Variants in RIT2 observed in about 807,000 individuals in gnomAD.
RIT2 encodes the protein GTP-binding protein Rit2.
Under a neutral mutation model 23.7 loss-of-function variants are expected in RIT2, and 24 were observed. The ratio of observed to expected loss-of-function variants is 1.01; its 90% confidence interval spans 0.73 to 1.43. The LOEUF is 1.43. Among genes scored for constraint, RIT2 ranks in the 40% most tolerant of loss-of-function variants. The pLI is 0.00. For synonymous variants in RIT2, 107 were observed against 91.1 expected (o/e 1.17, Z -0.99); for missense variants, 236 against 266.9 (o/e 0.88, Z 0.81).
In RIT2 at chr18:42,910,522, T is replaced by C. The variant is rs532513156; in HGVS notation, c.426+13050A>G. Among the ~76,000 whole-genome samples, 19 of 152,206 alleles carry C rather than the reference T, an allele frequency of 1.2e-4. No individual in the cohort carries two copies. The South Asian group carries it at 3.7e-3, about 30-fold the overall frequency. On this transcript the variant is annotated intron_variant, in intron 4 of 4. Coordinates refer to ENST00000326695, the MANE Select transcript of RIT2 (RefSeq NM_002930.4). ...TGCATTTTGGCCCACAACACCCCGCTAATGTGTACGTATATAAACCCCAGA... is the reference window on the plus strand; with the variant it reads ...TGCATTTTGGCCCACAACACCCCGCCAATGTGTACGTATATAAACCCCAGA...
At chr18:42,743,744 A>G (rs1469680233) in intron 4 of RIT2, 24 bp from the exon 5 acceptor site, 1 of 1,505,580 alleles carries the variant, frequency 6.6e-7, no homozygotes, top group South Asian at 1.2e-5. Context: ...AAATAATATT[A>G]AAAAGACAGA....
chr18:42,982,990 G>A (rs1910630370), intron 2 of RIT2, among the ~76,000 whole-genome samples: 1 of 151,798 alleles, frequency 6.6e-6, no homozygotes, highest in Non-Finnish European at 1.5e-5. Flanking sequence ...AATATTTTGG[G>A]AAAAAGGAAA....
chr18:43,042,460 G>C (rs1461815251), intron 1 of RIT2, among the ~76,000 whole-genome samples: 1 of 152,132 alleles, frequency 6.6e-6, no homozygotes, highest in Non-Finnish European at 1.5e-5. Flanking sequence ...TTCCCAAGGA[G>C]AGTCTTTGTT....
intron 4 of RIT2, among the ~76,000 whole-genome samples, chr18:42,892,190 G>A (rs991958449): frequency 2.0e-5 from 3 of 152,082 alleles, no homozygotes; most frequent in African/African-American, 7.2e-5. Context: ...TCTGAACTCT[G>A]TAGCACTTCC....
At chr18:42,951,813 T>A (rs1056028229) in intron 3 of RIT2, among the ~76,000 whole-genome samples, 2 of 152,086 alleles carry the variant, frequency 1.3e-5, no homozygotes, top group Non-Finnish European at 2.9e-5. Context: ...ATACATACAC[T>A]GTGTATTAGT....
At chr18:43,094,477 G>A (rs1238000263) in intron 1 of RIT2, among the ~76,000 whole-genome samples, 2 of 151,752 alleles carry the variant, frequency 1.3e-5, no homozygotes, top group Non-Finnish European at 2.9e-5. Context: ...ACATTAGAAG[G>A]GTTAAAAAAG....
chr18:43,097,804 G>A (rs1029249709), intron 1 of RIT2, among the ~76,000 whole-genome samples: 4 of 151,920 alleles, frequency 2.6e-5, no homozygotes, highest in Admixed American at 6.6e-5. Context: ...TTCCAGCCAG[G>A]CTCCAGTGAA....
intron 1 of RIT2, among the ~76,000 whole-genome samples, chr18:43,061,051 T>C (rs1291869726): frequency 6.6e-6 from 1 of 152,092 alleles, no homozygotes; most frequent in Non-Finnish European, 1.5e-5. Context: ...AATATCTACA[T>C]TATATATAAA....
intron 4 of RIT2, among the ~76,000 whole-genome samples, chr18:42,853,071 C>T (rs1272760715): frequency 4.6e-5 from 7 of 152,180 alleles, no homozygotes; most frequent in Admixed American, 3.3e-4. Flanking sequence ...TGACTTCAGG[C>T]GACCCGCCAG....
At chr18:42,996,348 A>C (rs1217457002) in intron 2 of RIT2, among the ~76,000 whole-genome samples, 1 of 151,990 alleles carries the variant, frequency 6.6e-6, no homozygotes, top group Non-Finnish European at 1.5e-5. Flanking sequence ...CCGTCCCAAC[A>C]CTTTACCACT....
chr18:42,809,903 T>C (rs1277602751), intron 4 of RIT2, among the ~76,000 whole-genome samples: 2 of 139,874 alleles, frequency 1.4e-5, no homozygotes, highest in African/African-American at 5.5e-5. Context: ...ATATATTATA[T>C]ATAATATATA....
intron 1 of RIT2, among the ~76,000 whole-genome samples, chr18:43,039,723 T>C (rs1379366351): frequency 1.3e-5 from 2 of 152,144 alleles, no homozygotes; most frequent in East Asian, 1.9e-4. Flanking sequence ...GTACTTTTTG[T>C]TGGTACTTTG....
intron 1 of RIT2, among the ~76,000 whole-genome samples, chr18:43,035,703 C>T (rs1911958113): frequency 6.6e-6 from 1 of 152,172 alleles, no homozygotes; most frequent in African/African-American, 2.4e-5. Context: ...GCAAGAATCT[C>T]ATTAAATTTG....
intron 1 of RIT2, among the ~76,000 whole-genome samples, chr18:43,114,573 T>C (rs954389589): frequency 1.3e-5 from 2 of 152,144 alleles, no homozygotes; most frequent in Admixed American, 1.3e-4. Flanking sequence ...TTAATATTTA[T>C]ATAAAAAGCT....
chr18:42,935,084 T>C (rs1477235966), intron 3 of RIT2, among the ~76,000 whole-genome samples: 1 of 152,040 alleles, frequency 6.6e-6, no homozygotes, highest in Non-Finnish European at 1.5e-5. Context: ...GTGATCAGGG[T>C]AATTAAATAA....
At chr18:42,804,589 G>GA (rs112876307) in intron 4 of RIT2, among the ~76,000 whole-genome samples, 23 of 130,522 alleles carry the variant, frequency 1.8e-4, no homozygotes, top group Non-Finnish European at 2.6e-4. Context: ...AAAAAAAATT[G>GA]AAAAAAAAAG....
chr18:42,994,590 A>G (rs568443216), intron 2 of RIT2, among the ~76,000 whole-genome samples: 2 of 152,016 alleles, frequency 1.3e-5, no homozygotes, highest in Non-Finnish European at 2.9e-5. Flanking sequence ...GCTCTCCCTG[A>G]CTCATCCCAA....
intron 1 of RIT2, among the ~76,000 whole-genome samples, chr18:43,104,621 A>G (rs771954891): frequency 3.9e-5 from 6 of 152,194 alleles, no homozygotes; most frequent in African/African-American, 1.2e-4. Context: ...AGAATTTGCC[A>G]ATATAAAATC....
intron 4 of RIT2, among the ~76,000 whole-genome samples, chr18:42,804,824 T>TCAGG: frequency 6.6e-6 from 1 of 152,162 alleles, no homozygotes. Flanking sequence ...GGCATAAATT[T>TCAGG]TAAAACCTGG....
Sources: gnomAD v4.1 joint callset for allele counts (sites outside exome capture counted in the v4.1 genomes callset) on GRCh38, gnomAD v4.1.1 for gene constraint, MANE v1.5 for transcripts, NCBI Gene and HGNC (gene_info 2026-07-23, HGNC 2026-07-21) for gene names.